Variants in NUDCD3 observed in about 807,000 individuals in gnomAD.
NUDCD3 encodes the protein NudC domain containing 3, also known as nudC domain-containing protein 3.
NUDCD3 carries 13 observed loss-of-function variants against 39.7 expected under a neutral mutation model. That is an observed-to-expected ratio of 0.33 (90% CI 0.21 to 0.52). The LOEUF (loss-of-function observed/expected upper bound fraction) is 0.52. Among genes scored for constraint, NUDCD3 ranks in the 20% least tolerant of loss-of-function variants. The pLI is 0.96. For missense variants in NUDCD3, 453 were observed against 458.1 expected, an observed-to-expected ratio of 0.99 and a Z score of 0.10; for synonymous variants, 175 against 172.4, an observed-to-expected ratio of 1.02 and a Z score of -0.12.
chr7:44,422,196 A>C (rs1799153069), intron 3 of NUDCD3, among the ~76,000 whole-genome samples: 1 of 152,206 alleles, frequency 6.6e-6, no homozygotes, highest in African/African-American at 2.4e-5. Context: ...GGAAAGATCT[A>C]AAATTGACAC....
intron 2 of NUDCD3, among the ~76,000 whole-genome samples, chr7:44,440,210 C>A (rs1799550295): frequency 6.6e-6 from 1 of 152,202 alleles, no homozygotes; most frequent in Non-Finnish European, 1.5e-5. Flanking sequence ...ACATCATGTA[C>A]CTCCAATGTG....
At chr7:44,430,987 C>T (rs1013924891) in intron 2 of NUDCD3, among the ~76,000 whole-genome samples, 1 of 152,226 alleles carries the variant, frequency 6.6e-6, no homozygotes, top group African/African-American at 2.4e-5. Context: ...TGCATGGAAC[C>T]TGCAGATTCC....
At chr7:44,487,460 G>GAA (rs34196298) in intron 1 of NUDCD3, among the ~76,000 whole-genome samples, 94 of 139,902 alleles carry the variant, frequency 6.7e-4, no homozygotes, top group Non-Finnish European at 3.9e-4. Context: ...GTTAGGGACA[G>GAA]AAAAAAAAAA....
At chr7:44,410,515 T>G (rs1410015712) in intron 3 of NUDCD3, among the ~76,000 whole-genome samples, 1 of 151,324 alleles carries the variant, frequency 6.6e-6, no homozygotes, top group Non-Finnish European at 1.5e-5. Context: ...ACAAAAAAAA[T>G]TATCCGGGTG....
rs555547496 is a variant in NUDCD3, at chr7:44,484,114, G to A, written c.509+854C>T. Among the ~76,000 whole-genome samples, 221 of 152,258 alleles carry A rather than the reference G, an allele frequency of 1.5e-3. 1 individual carries two copies. Among genetic ancestry groups the A allele is most frequent in the African/African-American group, 5.2e-3 (217 of 41,546 alleles). ...AGAACTCAAGGTGGCAGGGATTTGG[G>A]GGCACACAGGTGACCCATCCTATCA... On this transcript the variant is annotated intron_variant, in intron 2 of 5. Transcript: ENST00000355451.
Position 44,474,182 on chromosome 7 carries a change from C to CAA in NUDCD3, c.509+10784_509+10785dup, listed in dbSNP as rs11443298. On this transcript the variant is annotated intron_variant, in intron 2 of 5. Transcript: ENST00000355451. ...AGTACATATATTACCTTTCCAACAT[C>CAA]AAAAAAAAAAAAAACCAAGCTAGCA... 5.3e-4 allele frequency among the ~76,000 whole-genome samples: 64 copies of CAA among 119,902 alleles called. No individual in the cohort carries two copies. In the East Asian group the frequency reaches 5.7e-3, roughly 11 times the overall value. 78.7% of individuals were successfully genotyped at this position (119,902 alleles called of 152,430 possible).
intron 5 of NUDCD3, among the ~76,000 whole-genome samples, chr7:44,390,604 G>A (rs1486311574): frequency 1.3e-5 from 2 of 152,144 alleles, no homozygotes; most frequent in African/African-American, 2.4e-5. Context: ...TGGAACAAAA[G>A]GCATCTGGGT....
chr7:44,412,769 T>C (rs1019209476), intron 3 of NUDCD3, among the ~76,000 whole-genome samples: 9 of 151,656 alleles, frequency 5.9e-5, no homozygotes, highest in Admixed American at 1.3e-4. Flanking sequence ...CTACTAAATA[T>C]ACAAAAAATT....
intron 2 of NUDCD3, among the ~76,000 whole-genome samples, chr7:44,442,293 C>A (rs1027968205): frequency 6.6e-6 from 1 of 152,198 alleles, no homozygotes; most frequent in African/African-American, 2.4e-5. Context: ...GATTGCAAAT[C>A]ACTGCAAGGT....
chr7:44,412,934 A>G (rs1405981562), intron 3 of NUDCD3, among the ~76,000 whole-genome samples: 1 of 147,372 alleles, frequency 6.8e-6, no homozygotes, highest in African/African-American at 2.5e-5. Context: ...CTCAAAAAAA[A>G]AAAAAAAAGA....
intron 2 of NUDCD3, among the ~76,000 whole-genome samples, chr7:44,436,117 T>C (rs1022427397): frequency 6.6e-6 from 1 of 152,076 alleles, no homozygotes; most frequent in African/African-American, 2.4e-5. Context: ...GAAAAAAAAA[T>C]TTTTTGAGAC....
intron 4 of NUDCD3, 138 bp downstream of exon 4, chr7:44,404,302 T>A: frequency 1.2e-6 from 1 of 829,342 alleles, no homozygotes; most frequent in Non-Finnish European, 1.9e-6. Flanking sequence ...TGGAAAATGC[T>A]CAGGAAAACC....
intron 2 of NUDCD3, among the ~76,000 whole-genome samples, chr7:44,456,173 CAT>C (rs1290198528): frequency 4.7e-5 from 7 of 150,088 alleles, no homozygotes; most frequent in African/African-American, 7.4e-5. Flanking sequence ...CCGAGGAAGT[CAT>C]GTGTGGGTTT....
At chr7:44,437,400 C>A (rs549634003) in intron 2 of NUDCD3, among the ~76,000 whole-genome samples, 13 of 152,132 alleles carry the variant, frequency 8.5e-5, no homozygotes, top group Non-Finnish European at 1.2e-4. Context: ...TTTGTAAATT[C>A]TCTTTTCTTC....
rs17131988 is a variant in NUDCD3, at chr7:44,432,505, C to T, written c.510-4802G>A. 4.3e-3 allele frequency among the ~76,000 whole-genome samples: 651 copies of T among 152,274 alleles called. 7 individuals are homozygous for T. The highest frequency in any genetic ancestry group is 0.015 in the African/African-American group (616 of 41,542). ...TAGGCACTGACTGCCTGACTAAAGG[C>T]AAGGTTTGGCTCCCCAAGTCACAGC... On this transcript the variant is annotated intron_variant, in intron 2 of 5. Transcript: ENST00000355451.
intron 2 of NUDCD3, among the ~76,000 whole-genome samples, chr7:44,451,237 A>G (rs1251277826): frequency 6.6e-6 from 1 of 152,212 alleles, no homozygotes; most frequent in Admixed American, 6.5e-5. Context: ...GCACACAAAC[A>G]AAAATTACTA....
At chr7:44,432,996 G>C (rs1285137888) in intron 2 of NUDCD3, among the ~76,000 whole-genome samples, 1 of 152,234 alleles carries the variant, frequency 6.6e-6, no homozygotes, top group Non-Finnish European at 1.5e-5. Flanking sequence ...TTTAGAAGGT[G>C]ATTAGGTCAT....
intron 3 of NUDCD3, among the ~76,000 whole-genome samples, chr7:44,425,183 C>T (rs987978406): frequency 2.0e-5 from 3 of 152,094 alleles, no homozygotes; most frequent in African/African-American, 7.2e-5. Context: ...AGGACAAATA[C>T]CTAATGCATG....
intron 2 of NUDCD3, chr7:44,471,971 T>C (rs1800266927): frequency 6.6e-6 from 1 of 152,234 alleles, no homozygotes; most frequent in African/African-American, 2.4e-5. Context: ...GTTTTCCAAA[T>C]GCCCATCCCA....
Sources: gnomAD v4.1 joint callset for allele counts (sites outside exome capture counted in the v4.1 genomes callset) on GRCh38, gnomAD v4.1.1 for gene constraint, MANE v1.5 for transcripts, NCBI Gene and HGNC (gene_info 2026-07-23, HGNC 2026-07-21) for gene names.